ALKBH4: variants seen among roughly 807,000 people sequenced by gnomAD.
ALKBH4 encodes alkB homolog 4, lysine demethylase.
In ALKBH4, 8 loss-of-function variants were observed where a neutral mutation model predicts 12.1. That is an observed-to-expected ratio of 0.66 (90% CI 0.39 to 1.19). The LOEUF (loss-of-function observed/expected upper bound fraction) is 1.19. Among genes scored for constraint, ALKBH4 ranks in the 50% most tolerant of loss-of-function variants. The pLI is 0.01. For synonymous variants in ALKBH4, 195 were observed against 191.6 expected, an observed-to-expected ratio of 1.02 and a Z score of -0.15; for missense variants, 403 against 430.4, an observed-to-expected ratio of 0.94 and a Z score of 0.56.
intron 1 of ALKBH4, among the ~76,000 whole-genome samples, chr7:102,460,438 A>G (rs1797768625): frequency 2.6e-5 from 4 of 151,824 alleles, no homozygotes; most frequent in Non-Finnish European, 4.4e-5. Context: ...CCCTCAGGAC[A>G]CTGTGGAAGG....
Position 102,457,610 on chromosome 7 carries a change from C to T in ALKBH4, c.693G>A (p.Glu231=). 24 of 1,599,246 alleles carry T rather than the reference C, an allele frequency of 1.5e-5. No individual in the cohort carries two copies. The highest frequency in any genetic ancestry group is 1.9e-5 in the Non-Finnish European group (22 of 1,177,724). The change falls in exon 3 of 3, where the codon GAG becomes GAA. Residue 231 remains glutamate (E), a synonymous_variant. Transcript: ENST00000292566. This position sits in a 1 kb window ranked among gnomAD's most constrained non-coding sequence, Gnocchi z 5.9. ...PSRSVLCQEV[E]VAIPLPARSL... is the part of the protein sequence containing the mutation. ...AGCGGGCGGGTAAGGGGATGGCCAC[C>T]TCCACCTCCTGGCATAGCACCGACC...
chr7:102,460,899 C>T (rs942469812), intron 1 of ALKBH4, among the ~76,000 whole-genome samples: 3 of 152,162 alleles, frequency 2.0e-5, no homozygotes, highest in African/African-American at 7.2e-5. Context: ...CACTCTTGTC[C>T]TCAGGGCACC....
rs780047606 is a variant in ALKBH4, at chr7:102,459,655, C to G, written c.270G>C (p.Arg90=). The G allele has an allele frequency of 3.1e-6, 5 of 1,614,218 alleles. No individual in the cohort carries two copies. ...VTREEEAELV[R]LMDRDPWKLS... ...GCTTCCAGGGGTCACGGTCCATGAG[C>G]CGCACCAACTCGGCTTCTTCCTCCC... The change falls in exon 2 of 3, where the codon CGG becomes CGC. Residue 90 remains arginine (R), a synonymous_variant. Coordinates refer to ENST00000292566, the MANE Select transcript of ALKBH4 (RefSeq NM_017621.4).
chr7:102,463,322 C>CTTTTTTTT (rs71106683), intron 1 of ALKBH4, among the ~76,000 whole-genome samples: 2 of 58,316 alleles, frequency 3.4e-5, no homozygotes, highest in African/African-American at 7.4e-5. Flanking sequence ...CAAGTCATCT[C>CTTTTTTTT]TTTTTTTTTT....
Position 102,457,141 on chromosome 7 carries a change from T to G in ALKBH4, c.*253A>C. ...ACTGTGCCCGGCCCCCAGTATTTTT[T>G]AAGCTCAAATGATCCCATGTCCCCA... On this transcript the variant is annotated 3_prime_UTR_variant, in exon 3 of 3. Transcript: ENST00000292566. This position sits in a 1 kb window ranked among gnomAD's most constrained non-coding sequence, Gnocchi z 5.9. The G allele has an allele frequency of 2.2e-6, 1 of 444,968 alleles. No individual in the cohort carries two copies. The highest frequency in any genetic ancestry group is 4.0e-6 in the Non-Finnish European group (1 of 249,208). 27.6% of individuals were successfully genotyped at this position (444,968 alleles called of 1,614,324 possible).
chr7:102,462,225 G>A (rs1392202979), intron 1 of ALKBH4, among the ~76,000 whole-genome samples: 3 of 152,320 alleles, frequency 2.0e-5, no homozygotes, highest in East Asian at 3.9e-4. Context: ...GATATGAAGG[G>A]TGGAGGCTGG....
Position 102,457,922 on chromosome 7 carries a change from G to C in ALKBH4, c.381C>G (p.Gly127=). Residue 127 remains glycine (G), a synonymous_variant, in exon 3 of 3, where the codon GGC becomes GGG. Transcript: ENST00000292566. This position sits in a 1 kb window ranked among gnomAD's most constrained non-coding sequence, Gnocchi z 5.9. ...KQKLKTEGFC[G]LPSFSREVVR... The stretch of plus-strand genomic sequence containing the variant: ...CCACCTCCCGGCTGAAGCTGGGGAG[G>C]CCGCAGAAGCCCTCGGTCTTTAGCT... 6.2e-7 allele frequency: 1 copy of C among 1,613,418 alleles called. No individual in the cohort carries two copies. Among genetic ancestry groups the C allele is most frequent in the South Asian group, 1.1e-5 (1 of 91,068 alleles).
At chr7:102,461,948 C>CA (rs1297073016) in intron 1 of ALKBH4, among the ~76,000 whole-genome samples, 1 of 152,210 alleles carries the variant, frequency 6.6e-6, no homozygotes, top group African/African-American at 2.4e-5. Flanking sequence ...GGGCCGCTGT[C>CA]TTTCTCTGTT....
At chr7:102,459,434 C>A (rs1021061892) in intron 2 of ALKBH4, 170 bp downstream of exon 2, 1 of 736,552 alleles carries the variant, frequency 1.4e-6, no homozygotes, top group East Asian at 2.8e-5. Flanking sequence ...CCATCGGACA[C>A]ACGTCCTGCA....
intron 1 of ALKBH4, among the ~76,000 whole-genome samples, chr7:102,460,499 C>G (rs532710084): frequency 6.6e-6 from 1 of 152,142 alleles, no homozygotes; most frequent in Admixed American, 6.5e-5. Context: ...CCAGGCTGAC[C>G]GGGGAAGGCC....
At chr7:102,461,322 G>C (rs1797788594) in intron 1 of ALKBH4, among the ~76,000 whole-genome samples, 1 of 151,812 alleles carries the variant, frequency 6.6e-6, no homozygotes, top group African/African-American at 2.4e-5. Context: ...GGGTGACACA[G>C]TGAGACCCCA....
chr7:102,457,652 G>T lies in ALKBH4; in HGVS notation c.651C>A (p.Ser217Arg). The T allele has an allele frequency of 4.5e-6, 7 of 1,572,102 alleles. No homozygotes were observed. The highest frequency in any genetic ancestry group is 1.3e-5 in the African/African-American group (1 of 74,330). ...GCACCGACCGGCTGGGTGCTATCAC[G>T]CTGTCCACCAAGGCCTCCGGGGCAG... ...PSAAPEALVD[S>R]VIAPSRSVLC... Residue 217 changes from serine to arginine, a missense_variant, in exon 3 of 3, where the codon AGC becomes AGA. Ser to Arg is a moderately radical substitution (Grantham distance 110). Transcript: ENST00000292566. This position sits in a 1 kb window ranked among gnomAD's most constrained non-coding sequence, Gnocchi z 5.9.
In ALKBH4 at chr7:102,459,428, C is replaced by T. The variant is rs897495061; in HGVS notation, c.321+176G>A. The T allele has an allele frequency of 2.9e-5, 20 of 694,630 alleles. 1 individual carries two copies. The Middle Eastern group carries it at 2.1e-3, about 73-fold the overall frequency. 43.0% of individuals were successfully genotyped at this position (694,630 alleles called of 1,614,324 possible). Reference sequence around the variant, plus strand: ...GGTGCCCAGGTGCACCTCTGCCCATCGGACACACGTCCTGCAGCGAGTCTG... The same window carrying T: ...GGTGCCCAGGTGCACCTCTGCCCATTGGACACACGTCCTGCAGCGAGTCTG... On this transcript the variant is annotated intron_variant, in intron 2 of 2. Coordinates refer to ENST00000292566, the MANE Select transcript of ALKBH4 (RefSeq NM_017621.4).
At chr7:102,459,038 T>A (rs888901650) in intron 2 of ALKBH4, among the ~76,000 whole-genome samples, 2 of 148,964 alleles carry the variant, frequency 1.3e-5, no homozygotes, top group Non-Finnish European at 3.0e-5. Context: ...CCCAGCTACT[T>A]GGGAGGCTGA....
chr7:102,458,350 G>A (rs894459497), intron 2 of ALKBH4, among the ~76,000 whole-genome samples: 5 of 152,026 alleles, frequency 3.3e-5, no homozygotes, highest in Non-Finnish European at 5.9e-5. Flanking sequence ...CAGGTGGATC[G>A]TTTGAGCCCA....
chr7:102,457,322 T>A lies in ALKBH4; in HGVS notation c.*72A>T. On this transcript the variant is annotated 3_prime_UTR_variant, in exon 3 of 3. Coordinates refer to ENST00000292566, the MANE Select transcript of ALKBH4 (RefSeq NM_017621.4). The surrounding 1 kb of genome is among the most constrained non-coding windows in gnomAD (Gnocchi z 5.9). ...CCATCTTCTCTTGAAACCCCGTGAGTTGCAGGAGGCCCTGTTCTGTGCTCC... is the reference window on the plus strand; with the variant it reads ...CCATCTTCTCTTGAAACCCCGTGAGATGCAGGAGGCCCTGTTCTGTGCTCC... 6.7e-7 allele frequency: 1 copy of A among 1,492,308 alleles called. No individual in the cohort carries two copies. The allele number at this position is 1,492,308 out of a possible 1,614,324, so 92.4% of individuals were successfully genotyped here. A position where few individuals can be genotyped will look rare whatever the true frequency, so the allele number is the denominator to read the frequency against.
At position 102,457,863 on chromosome 7, in the gene ALKBH4, C is replaced by T. The variant is rs1586728380; in HGVS notation, c.440G>A (p.Gly147Asp). ...RRMGLYPGLE[G>D]FRPVEQCNLD... ...GTTGCACTGCTCGACGGGCCGGAAG[C>T]CCTCCAGCCCCGGGTAGAGGCCCAT... The change falls in exon 3 of 3, where the codon GGC becomes GAC. Residue 147 changes from glycine to aspartate, a missense_variant. Gly to Asp is a moderately conservative substitution (Grantham distance 94). Coordinates refer to ENST00000292566, the MANE Select transcript of ALKBH4 (RefSeq NM_017621.4). The surrounding 1 kb of genome is among the most constrained non-coding windows in gnomAD (Gnocchi z 5.9). 1 of 1,611,988 alleles carries T rather than the reference C, an allele frequency of 6.2e-7. No homozygotes were observed. Among genetic ancestry groups the T allele is most frequent in the Non-Finnish European group, 8.5e-7 (1 of 1,179,988 alleles).
In ALKBH4 at chr7:102,457,229, T is replaced by G. The variant is rs1344459527; in HGVS notation, c.*165A>C. On this transcript the variant is annotated 3_prime_UTR_variant, in exon 3 of 3. Coordinates refer to ENST00000292566, the MANE Select transcript of ALKBH4 (RefSeq NM_017621.4). The surrounding 1 kb of genome is among the most constrained non-coding windows in gnomAD (Gnocchi z 5.9). ...ACGGTCCAGGTGGAAGGGGGCTGCCTGGAGGTACGTTCCCATCAAAACCTG... is the reference window on the plus strand; with the variant it reads ...ACGGTCCAGGTGGAAGGGGGCTGCCGGGAGGTACGTTCCCATCAAAACCTG... 5 of 740,220 alleles carry G rather than the reference T, an allele frequency of 6.8e-6. No individual in the cohort carries two copies. Among genetic ancestry groups the G allele is most frequent in the African/African-American group, 1.8e-5 (1 of 56,366 alleles). The allele number at this position is 740,220 out of a possible 1,614,324, so 45.9% of individuals were successfully genotyped here.
rs769167643 is a variant in ALKBH4 at position 102,457,476 on chromosome 7, T to C, written c.827A>G (p.Glu276Gly). 23 of 1,613,216 alleles carry C rather than the reference T, an allele frequency of 1.4e-5. No individual in the cohort carries two copies. Among genetic ancestry groups the C allele is most frequent in the Non-Finnish European group, 1.9e-5 (23 of 1,180,016 alleles). ...VCVTFRELSA[E>G]FGPGGRQQEL... ...TTGCTGCCTCCCTCCAGGGCCAAACTCAGCCGACAGCTCCCGGAAAGTGAC... is the reference window on the plus strand; with the variant it reads ...TTGCTGCCTCCCTCCAGGGCCAAACCCAGCCGACAGCTCCCGGAAAGTGAC... Residue 276 changes from glutamate to glycine, a missense_variant, in exon 3 of 3, where the codon GAG becomes GGG. Glu to Gly is a moderately conservative substitution (Grantham distance 98, BLOSUM62 -2). Transcript: ENST00000292566. This position sits in a 1 kb window ranked among gnomAD's most constrained non-coding sequence, Gnocchi z 5.9.
Sources: gnomAD v4.1 joint callset for allele counts (sites outside exome capture counted in the v4.1 genomes callset) on GRCh38, gnomAD v4.1.1 for gene constraint, Gnocchi (gnomAD v3.1) non-coding constraint, MANE v1.5 for transcripts, NCBI Gene and HGNC (gene_info 2026-07-23, HGNC 2026-07-21) for gene names.